LGSN: variants seen among roughly 807,000 people sequenced by gnomAD.
The protein encoded by LGSN is lengsin.
Under a neutral mutation model 19.5 loss-of-function variants are expected in LGSN, and 21 were observed. That is an observed-to-expected ratio of 1.07 (90% CI 0.76 to 1.55). The LOEUF is 1.55. Among genes scored for constraint, LGSN ranks in the 40% most tolerant of loss-of-function variants. The pLI, the probability that LGSN is intolerant of heterozygous loss-of-function variation, is 0.00. For missense variants in LGSN, 673 were observed against 608.5 expected (o/e 1.11, Z -1.12); for synonymous variants, 257 against 215.6 (o/e 1.19, Z -1.68).
chr6:63,515,159 T>C, the LGSN span, among the ~76,000 whole-genome samples: 35 of 152,074 alleles, frequency 2.3e-4, no homozygotes, highest in Non-Finnish European at 3.7e-4. Context: ...AGCATCACCA[T>C]GCCTGGCTTG....
At chr6:63,401,545 A>T in the LGSN span, among the ~76,000 whole-genome samples, 75 of 152,248 alleles carry the variant, frequency 4.9e-4, no homozygotes, top group Non-Finnish European at 8.8e-4. Context: ...TTTTGAGGTT[A>T]TGTAAAAGCA....
the LGSN span, among the ~76,000 whole-genome samples, chr6:63,529,139 A>G: frequency 2.3e-4 from 29 of 127,002 alleles, no homozygotes; most frequent in Middle Eastern, 7.7e-3. Context: ...ATGTGTGTGT[A>G]TATATATATG....
chr6:63,344,199 A>T, the LGSN span, among the ~76,000 whole-genome samples: 30 of 152,320 alleles, frequency 2.0e-4, no homozygotes, highest in East Asian at 2.3e-3. Context: ...TTAGTGGTAA[A>T]CTTGTTACAC....
chr6:63,550,986 C>A, the LGSN span, among the ~76,000 whole-genome samples: 1 of 151,976 alleles, frequency 6.6e-6, no homozygotes, highest in Non-Finnish European at 1.5e-5. Context: ...ATATACATGA[C>A]CATAATTACC....
chr6:63,345,606 T>C, the LGSN span, among the ~76,000 whole-genome samples: 1 of 152,130 alleles, frequency 6.6e-6, no homozygotes, highest in African/African-American at 2.4e-5. Context: ...TAACGATAGG[T>C]AGCAGATATC....
the LGSN span, among the ~76,000 whole-genome samples, chr6:63,416,875 A>C: frequency 6.6e-6 from 1 of 151,994 alleles, no homozygotes; most frequent in Non-Finnish European, 1.5e-5. Context: ...GCCTAAGTAG[A>C]TATTTAAAAG....
the LGSN span, among the ~76,000 whole-genome samples, chr6:63,359,058 G>T: frequency 6.6e-6 from 1 of 152,132 alleles, no homozygotes; most frequent in African/African-American, 2.4e-5. Context: ...GTTGAATTTT[G>T]TCAAAGGCCT....
At chr6:63,303,608 G>A (rs776183131) in intron 1 of LGSN, among the ~76,000 whole-genome samples, 2 of 152,166 alleles carry the variant, frequency 1.3e-5, no homozygotes, top group Non-Finnish European at 2.9e-5. Flanking sequence ...TGTATCTTCT[G>A]CACCTAAATT....
the LGSN span, among the ~76,000 whole-genome samples, chr6:63,550,915 C>G: frequency 6.6e-6 from 1 of 151,832 alleles, no homozygotes; most frequent in Non-Finnish European, 1.5e-5. Context: ...GATGAGCCAC[C>G]GTGCCCAGCC....
the LGSN span, among the ~76,000 whole-genome samples, chr6:63,369,752 G>A: frequency 6.6e-6 from 1 of 152,274 alleles, no homozygotes; most frequent in South Asian, 2.1e-4. Flanking sequence ...CAGGTGAGGT[G>A]GCTCATGCCT....
At chr6:63,480,941 A>AG in the LGSN span, among the ~76,000 whole-genome samples, 20 of 101,272 alleles carry the variant, frequency 2.0e-4, 1 homozygote, top group East Asian at 5.1e-4. Flanking sequence ...AAAGAAAATG[A>AG]TATATATATA....
upstream of LGSN, among the ~76,000 whole-genome samples, chr6:63,320,178 C>T (rs1471894832): frequency 2.0e-5 from 3 of 152,164 alleles, no homozygotes; most frequent in East Asian, 5.8e-4. Context: ...TTGTTTACGC[C>T]TGACTCCCTG....
the LGSN span, among the ~76,000 whole-genome samples, chr6:63,546,764 T>C: frequency 2.0e-5 from 3 of 152,144 alleles, no homozygotes; most frequent in South Asian, 6.2e-4. Context: ...TGGAGATCTA[T>C]TACCCAGCAT....
the LGSN span, among the ~76,000 whole-genome samples, chr6:63,500,810 C>T: frequency 2.6e-5 from 4 of 152,060 alleles, no homozygotes; most frequent in African/African-American, 9.7e-5. Context: ...TCACTGCAAC[C>T]TCTGCTTCCT....
the LGSN span, among the ~76,000 whole-genome samples, chr6:63,497,079 C>T: frequency 6.6e-6 from 1 of 152,228 alleles, no homozygotes; most frequent in Middle Eastern, 3.4e-3. Flanking sequence ...TCAAGCAATC[C>T]TCCTGCCTCA....
chr6:63,458,854 T>C, the LGSN span, among the ~76,000 whole-genome samples: 1 of 152,238 alleles, frequency 6.6e-6, no homozygotes, highest in Non-Finnish European at 1.5e-5. Context: ...TTTTCCATCA[T>C]GGGAAGGTAT....
chr6:63,486,016 C>T, the LGSN span, among the ~76,000 whole-genome samples: 7 of 152,080 alleles, frequency 4.6e-5, no homozygotes, highest in African/African-American at 1.7e-4. Context: ...AGGTGTGAGC[C>T]ACCACACCCG....
the LGSN span, among the ~76,000 whole-genome samples, chr6:63,464,661 G>A: frequency 6.6e-6 from 1 of 151,592 alleles, no homozygotes; most frequent in East Asian, 1.9e-4. Context: ...GTGTCCAATG[G>A]TATGCACACG....
At chr6:63,482,873 G>A in the LGSN span, among the ~76,000 whole-genome samples, 6 of 151,984 alleles carry the variant, frequency 3.9e-5, no homozygotes, top group Non-Finnish European at 8.8e-5. Flanking sequence ...GCTAACTTTT[G>A]TATTTTTAGT....
Sources: gnomAD v4.1 joint callset for allele counts (sites outside exome capture counted in the v4.1 genomes callset) on GRCh38, gnomAD v4.1.1 for gene constraint, MANE v1.5 for transcripts, NCBI Gene and HGNC (gene_info 2026-07-23, HGNC 2026-07-21) for gene names.